Variants in GPR107 observed in about 807,000 individuals in gnomAD.
The protein encoded by GPR107 is protein GPR107.
GPR107 carries 31 observed loss-of-function variants against 75.5 expected under a neutral mutation model. The observed-to-expected ratio is 0.41, with a 90% confidence interval of 0.31 to 0.55. The LOEUF (loss-of-function observed/expected upper bound fraction) is 0.55, where lower values mean the gene tolerates loss of function less well. Ranked by LOEUF, GPR107 falls within the 20% of genes least tolerant of loss-of-function variation. The pLI is 0.26. For synonymous variants in GPR107, 267 were observed against 251.3 expected (o/e 1.06, Z -0.59); for missense variants, 572 against 665.7 (o/e 0.86, Z 1.55).
chr9:130,125,090 C>CTTTTTTTT (rs11461385), intron 15 of GPR107, 126 bp downstream of exon 15: 20 of 158,138 alleles, frequency 1.3e-4, no homozygotes, highest in East Asian at 3.0e-4. Flanking sequence ...GTGTGGCTTG[C>CTTTTTTTT]TTTTTTTTTT....
Position 130,077,112 on chromosome 9 carries a change from T to G in GPR107, c.307-187T>G, listed in dbSNP as rs140932657. Among the ~76,000 whole-genome samples, 793 of 151,196 alleles carry G rather than the reference T, an allele frequency of 5.2e-3. 7 individuals are homozygous for G. The highest frequency in any genetic ancestry group is 0.018 in the African/African-American group (757 of 41,226). On this transcript the variant is annotated intron_variant, in intron 3 of 17. Transcript: ENST00000347136. ...CATGTTGGCCAGGATGGTCTCGATCTCCTGACCTCACGATCCACCCACCTC... is the reference window on the plus strand; with the variant it reads ...CATGTTGGCCAGGATGGTCTCGATCGCCTGACCTCACGATCCACCCACCTC...
chr9:130,100,886 A>G (rs1194393063), intron 11 of GPR107, among the ~76,000 whole-genome samples, 184 bp downstream of exon 11: 1 of 152,198 alleles, frequency 6.6e-6, no homozygotes, highest in African/African-American at 2.4e-5. Flanking sequence ...GCTTAGTGGC[A>G]TACTCCTGCC....
chr9:130,134,917 T>C, intron 17 of GPR107, 108 bp from the exon 18 acceptor site: 2 of 726,232 alleles, frequency 2.8e-6, no homozygotes, highest in Non-Finnish European at 4.9e-6. Flanking sequence ...TTTGTCTGTT[T>C]CAAAAACCAA....
intron 15 of GPR107, among the ~76,000 whole-genome samples, chr9:130,127,245 G>A (rs1377511008): frequency 6.6e-6 from 1 of 152,216 alleles, no homozygotes; most frequent in Non-Finnish European, 1.5e-5. Flanking sequence ...TGTGCTCCCG[G>A]TGGGTGTGGC....
intron 1 of GPR107, among the ~76,000 whole-genome samples, chr9:130,056,767 T>C (rs1829799745): frequency 6.7e-6 from 1 of 150,092 alleles, no homozygotes; most frequent in African/African-American, 2.5e-5. Flanking sequence ...CTACTAAAAA[T>C]ACAAAAAATT....
chr9:130,122,301 C>T lies in GPR107; in HGVS notation c.1307-2614C>T, dbSNP rs922526341. On this transcript the variant is annotated intron_variant, in intron 14 of 17. Transcript: ENST00000347136. ...GTGTTTAGCTGGTTTGGGAGGGCCA[C>T]GGTTCCGGTCATGTCACTGGTTCTG... 1.6e-4 allele frequency among the ~76,000 whole-genome samples: 24 copies of T among 152,262 alleles called. 1 individual carries two copies. Among genetic ancestry groups the T allele is most frequent in the South Asian group, 8.3e-4 (4 of 4,822 alleles).
At chr9:130,066,049 G>T (rs1382352960) in intron 1 of GPR107, among the ~76,000 whole-genome samples, 1 of 152,072 alleles carries the variant, frequency 6.6e-6, no homozygotes, top group Non-Finnish European at 1.5e-5. Flanking sequence ...ACTCATGCCT[G>T]TAATCTCAGC....
intron 1 of GPR107, among the ~76,000 whole-genome samples, chr9:130,070,335 G>A (rs982252034): frequency 6.6e-6 from 1 of 152,004 alleles, no homozygotes; most frequent in African/African-American, 2.4e-5. Context: ...ACAGAGTCTC[G>A]CTCTTTCGCC....
chr9:130,108,291 G>A (rs73672546), intron 14 of GPR107, among the ~76,000 whole-genome samples: 1,847 of 152,324 alleles, frequency 0.012, 26 homozygotes, highest in African/African-American at 0.042. Context: ...TGCAGGTTAT[G>A]AATAATAAAT....
intron 1 of GPR107, among the ~76,000 whole-genome samples, chr9:130,066,382 G>A (rs762606881): frequency 9.7e-5 from 9 of 92,648 alleles, no homozygotes; most frequent in South Asian, 4.6e-4. Context: ...TTATGATTGC[G>A]CATTGATGAT....
chr9:130,081,363 C>A (rs149153908), intron 5 of GPR107, among the ~76,000 whole-genome samples: 1 of 152,018 alleles, frequency 6.6e-6, no homozygotes, highest in East Asian at 2.0e-4. Flanking sequence ...CATGGTGAAA[C>A]CCCATCTCTA....
At chr9:130,054,169 G>A (rs1364178515) in intron 1 of GPR107, 96 bp downstream of exon 1, 2 of 1,185,720 alleles carry the variant, frequency 1.7e-6, no homozygotes, top group South Asian at 1.6e-5. Context: ...TGAGCCACTG[G>A]ACCACCTCTT....
chr9:130,090,431 T>C (rs1489462477), intron 7 of GPR107, among the ~76,000 whole-genome samples: 1 of 152,156 alleles, frequency 6.6e-6, no homozygotes, highest in Non-Finnish European at 1.5e-5. Context: ...AAGAGCAAAA[T>C]AATACGTTAG....
chr9:130,077,193 A>G (rs988109813), intron 3 of GPR107, 106 bp from the exon 4 acceptor site: 8 of 724,818 alleles, frequency 1.1e-5, no homozygotes, highest in African/African-American at 1.0e-4. Flanking sequence ...CCGGTTTACT[A>G]TTTTGAATGG....
chr9:130,120,730 T>TG (rs1831527370), intron 14 of GPR107: 1 of 152,344 alleles, frequency 6.6e-6, no homozygotes, highest in African/African-American at 2.4e-5. Flanking sequence ...TCCTCTTTTT[T>TG]CTCTCCATCC....
intron 8 of GPR107, 45 bp from the exon 9 acceptor site, chr9:130,092,200 GGAT>G: frequency 1.3e-6 from 2 of 1,531,214 alleles, no homozygotes; most frequent in Non-Finnish European, 1.8e-6. Context: ...GCTGAATAAG[GGAT>G]GATATGTTTC....
chr9:130,065,501 C>T (rs556815869), intron 1 of GPR107, among the ~76,000 whole-genome samples: 1 of 151,986 alleles, frequency 6.6e-6, no homozygotes, highest in South Asian at 2.1e-4. Context: ...TGCGGTGGCT[C>T]ATGCCTGTAA....
Position 130,135,210 on chromosome 9 carries a change from A to C in GPR107, c.*89A>C. Reference sequence around the variant, plus strand: ...ACAGCAGGAGCAGCTCCTACAGTGAACTATTGGCACCACCGACAGTGACAC... The same window carrying C: ...ACAGCAGGAGCAGCTCCTACAGTGACCTATTGGCACCACCGACAGTGACAC... On this transcript the variant is annotated 3_prime_UTR_variant, in exon 18 of 18. Transcript: ENST00000347136. The C allele has an allele frequency of 1.5e-6, 1 of 659,042 alleles. No homozygotes were observed. The highest frequency in any genetic ancestry group is 2.6e-6 in the Non-Finnish European group (1 of 388,094). The allele number at this position is 659,042 out of a possible 1,614,324, so 40.8% of individuals were successfully genotyped here. A position where few individuals can be genotyped will look rare whatever the true frequency, so the allele number is the denominator to read the frequency against.
chr9:130,060,466 T>C (rs1829902820), intron 1 of GPR107, among the ~76,000 whole-genome samples: 1 of 141,822 alleles, frequency 7.1e-6, no homozygotes, highest in African/African-American at 2.6e-5. Flanking sequence ...TGGAGTACAG[T>C]GGCTATTCAC....
Sources: gnomAD v4.1 joint callset for allele counts (sites outside exome capture counted in the v4.1 genomes callset) on GRCh38, gnomAD v4.1.1 for gene constraint, MANE v1.5 for transcripts, NCBI Gene and HGNC (gene_info 2026-07-23, HGNC 2026-07-21) for gene names.